Variants in CNTNAP2 observed in about 807,000 individuals in gnomAD.
The protein encoded by CNTNAP2 is contactin-associated protein-like 2.
Under a neutral mutation model 155.2 loss-of-function variants are expected in CNTNAP2, and 98 were observed. The observed-to-expected ratio is 0.63, with a 90% CI of 0.54 to 0.75. The LOEUF (loss-of-function observed/expected upper bound fraction) is 0.75, where lower values mean the gene tolerates loss of function less well. Among genes scored for constraint, CNTNAP2 ranks in the 30% least tolerant of loss-of-function variants. The pLI is 0.00. For synonymous variants in CNTNAP2, 651 were observed against 631.2 expected, an observed-to-expected ratio of 1.03 and a Z score of -0.47; for missense variants, 1,727 against 1,688.1, an observed-to-expected ratio of 1.02 and a Z score of -0.40.
intron 4 of CNTNAP2, among the ~76,000 whole-genome samples, chr7:147,089,391 C>T (rs1800350370): frequency 6.6e-6 from 1 of 152,122 alleles, no homozygotes; most frequent in Non-Finnish European, 1.5e-5. Flanking sequence ...AAATAGCATC[C>T]ACTGCGACTC....
intron 1 of CNTNAP2, among the ~76,000 whole-genome samples, chr7:146,205,221 AC>A (rs2116874885): frequency 6.6e-6 from 1 of 152,098 alleles, no homozygotes; most frequent in African/African-American, 2.4e-5. Context: ...GTTTAATTAA[AC>A]AGAGACAAGT....
chr7:147,590,858 AG>A (rs1408410738), intron 12 of CNTNAP2, among the ~76,000 whole-genome samples: 1 of 152,200 alleles, frequency 6.6e-6, no homozygotes, highest in Non-Finnish European at 1.5e-5. Flanking sequence ...TTTTTAAATG[AG>A]GGATTGGAAC....
At chr7:148,083,413 C>T (rs1803654387) in intron 15 of CNTNAP2, among the ~76,000 whole-genome samples, 2 of 151,936 alleles carry the variant, frequency 1.3e-5, no homozygotes, top group South Asian at 2.1e-4. Context: ...AGGGAGAAAA[C>T]GAGGCAGGAA....
intron 8 of CNTNAP2, among the ~76,000 whole-genome samples, chr7:147,202,861 T>A (rs563571196): frequency 0.021 from 2,843 of 134,894 alleles, 53 homozygotes; most frequent in South Asian, 0.049. Flanking sequence ...TAAAAAAAAA[T>A]ATATATATAT....
intron 7 of CNTNAP2, among the ~76,000 whole-genome samples, chr7:147,129,438 G>T (rs1045523591): frequency 6.6e-6 from 1 of 152,018 alleles, no homozygotes; most frequent in Non-Finnish European, 1.5e-5. Context: ...GGTTTCATTA[G>T]ATTTTGGAAG....
chr7:146,384,916 G>T (rs117408098), intron 1 of CNTNAP2, among the ~76,000 whole-genome samples: 92 of 152,260 alleles, frequency 6.0e-4, no homozygotes, highest in Non-Finnish European at 9.7e-4. Flanking sequence ...AATTGAGGGC[G>T]GTAAATGGGA....
chr7:146,386,676 G>A (rs1400628475), intron 1 of CNTNAP2, among the ~76,000 whole-genome samples: 3 of 152,144 alleles, frequency 2.0e-5, no homozygotes, highest in Non-Finnish European at 4.4e-5. Flanking sequence ...GTGAGCCACC[G>A]TGCCTGGTCC....
At chr7:147,265,809 G>A (rs1329221302) in intron 8 of CNTNAP2, among the ~76,000 whole-genome samples, 1 of 152,158 alleles carries the variant, frequency 6.6e-6, no homozygotes, top group Non-Finnish European at 1.5e-5. Flanking sequence ...GGAAGGAGCA[G>A]GAAGCCATCT....
chr7:147,163,936 A>T (rs1249827134), intron 8 of CNTNAP2, among the ~76,000 whole-genome samples: 1 of 152,192 alleles, frequency 6.6e-6, no homozygotes, highest in African/African-American at 2.4e-5. Flanking sequence ...AAAACTCAGG[A>T]TAAAGCAAAA....
chr7:146,568,104 T>C (rs1234904948), intron 1 of CNTNAP2, among the ~76,000 whole-genome samples: 2 of 152,178 alleles, frequency 1.3e-5, no homozygotes, highest in Non-Finnish European at 2.9e-5. Flanking sequence ...GCATCTTGAT[T>C]ACAGAGGTGA....
At chr7:146,540,308 G>A (rs1226647824) in intron 1 of CNTNAP2, among the ~76,000 whole-genome samples, 1 of 151,940 alleles carries the variant, frequency 6.6e-6, no homozygotes, top group Non-Finnish European at 1.5e-5. Flanking sequence ...GTGAAGTTTT[G>A]GGAGAAAACT....
At chr7:147,732,451 G>C (rs1454400580) in intron 13 of CNTNAP2, among the ~76,000 whole-genome samples, 3 of 151,978 alleles carry the variant, frequency 2.0e-5, no homozygotes, top group African/African-American at 4.8e-5. Flanking sequence ...GGACATTTGG[G>C]TTGGTTCCAA....
At chr7:147,662,427 T>G (rs923759268) in intron 13 of CNTNAP2, among the ~76,000 whole-genome samples, 1 of 152,192 alleles carries the variant, frequency 6.6e-6, no homozygotes, top group Admixed American at 6.5e-5. Context: ...AAAATTAAGG[T>G]GTAGGGGTTA....
chr7:147,523,125 C>T lies in CNTNAP2; in HGVS notation c.1777+37084C>T, dbSNP rs1026283989. On this transcript the variant is annotated intron_variant, in intron 11 of 23. Coordinates refer to ENST00000361727, the MANE Select transcript of CNTNAP2 (RefSeq NM_014141.6). The stretch of plus-strand genomic sequence containing the variant: ...TCAAGATGCTGATGTCAGTGAGGGC[C>T]GCACTGATCATAAGGCCCAAGAGGG... Among the ~76,000 whole-genome samples, 12 of 152,104 alleles carry T rather than the reference C, an allele frequency of 7.9e-5. No individual in the cohort carries two copies. In the South Asian group the frequency reaches 8.3e-4, roughly 11 times the overall value.
chr7:147,520,809 G>T (rs1004904832), intron 11 of CNTNAP2, among the ~76,000 whole-genome samples: 1 of 152,062 alleles, frequency 6.6e-6, no homozygotes, highest in African/African-American at 2.4e-5. Context: ...TATTTTCAGG[G>T]TGTTTTCTTC....
intron 15 of CNTNAP2, among the ~76,000 whole-genome samples, chr7:148,103,629 C>G (rs1471645302): frequency 6.3e-5 from 8 of 127,124 alleles, no homozygotes; most frequent in Admixed American, 3.9e-4. Flanking sequence ...GTCTAAGCTC[C>G]AATGCTTCAC....
intron 13 of CNTNAP2, among the ~76,000 whole-genome samples, chr7:147,874,095 TG>T: frequency 6.6e-6 from 1 of 152,318 alleles, no homozygotes; most frequent in East Asian, 1.9e-4. Context: ...GCTGCTTTCA[TG>T]GGCTGGCGTT....
chr7:147,355,266 A>G (rs6968578), intron 9 of CNTNAP2, among the ~76,000 whole-genome samples: 24,177 of 152,100 alleles, frequency 0.16, 2,035 homozygotes, highest in Middle Eastern at 0.18. Context: ...ACAATGTACC[A>G]GAATCTCTGG....
Position 146,623,924 on chromosome 7 carries a change from T to C in CNTNAP2, c.98-150347T>C, listed in dbSNP as rs188908834. Among the ~76,000 whole-genome samples the C allele has an allele frequency of 1.8e-4, 27 of 152,262 alleles. No homozygotes were observed. The East Asian group carries it at 5.2e-3, about 29-fold the overall frequency. Reference sequence around the variant, plus strand: ...CTTTGTGTTCTCACTGAGAATAATATTCTTAGTTTTGTGGATGTTCGCCAT... The same window carrying C: ...CTTTGTGTTCTCACTGAGAATAATACTCTTAGTTTTGTGGATGTTCGCCAT... On this transcript the variant is annotated intron_variant, in intron 1 of 23. Transcript: ENST00000361727.
Sources: allele counts gnomAD v4.1 joint callset (sites outside exome capture counted in the v4.1 genomes callset), GRCh38; gene constraint gnomAD v4.1.1; transcripts MANE v1.5; gene names NCBI Gene and HGNC (gene_info 2026-07-23, HGNC 2026-07-21).